The following SLC25A13 variants were observed in gnomAD, a reference collection of about 807,000 sequenced individuals.
SLC25A13 encodes the protein solute carrier family 25 member 13, also known as electrogenic aspartate/glutamate antiporter SLC25A13, mitochondrial.
A neutral mutation model predicts 85.5 loss-of-function variants in SLC25A13; 70 were observed. The ratio of observed to expected loss-of-function variants is 0.82; its 90% CI spans 0.68 to 1.00. The LOEUF (loss-of-function observed/expected upper bound fraction) is 1.00, where lower values mean the gene tolerates loss of function less well. Ranked by LOEUF, SLC25A13 falls within the 50% of genes least tolerant of loss-of-function variation. The probability of loss-of-function intolerance (pLI) is 0.00; values close to 1 mark genes in which losing one functional copy is unlikely to be tolerated. For missense variants in SLC25A13, 765 were observed against 819.8 expected, an observed-to-expected ratio of 0.93 and a Z score of 0.82; for synonymous variants, 259 against 288.7, an observed-to-expected ratio of 0.90 and a Z score of 1.04.
rs78579253 is a variant in SLC25A13 at position 96,124,458 on chromosome 7, T to C, written c.1592-2461A>G. 7.6e-3 allele frequency among the ~76,000 whole-genome samples: 1,159 copies of C among 152,288 alleles called. 22 individuals are homozygous for C. Among genetic ancestry groups the C allele is most frequent in the African/African-American group, 0.027 (1,105 of 41,556 alleles). ...TGAAGCTGAGAGATGACATTATACA[T>C]TGATATTACATAGAAATTGATGGCG... On this transcript the variant is annotated intron_variant, in intron 15 of 17. Coordinates refer to ENST00000265631, the MANE Select transcript of SLC25A13 (RefSeq NM_014251.3).
chr7:96,219,552 T>C (rs373577247), intron 4 of SLC25A13: 51 of 370,782 alleles, frequency 1.4e-4, no homozygotes, highest in Non-Finnish European at 2.6e-4. Flanking sequence ...TCCTCATCCA[T>C]GAAAGAAAGC....
At chr7:96,171,621 T>A in intron 11 of SLC25A13, 97 bp from the exon 12 acceptor site, 1 of 1,011,832 alleles carries the variant, frequency 9.9e-7, no homozygotes, top group Non-Finnish European at 1.5e-6. Context: ...AAAAACTGCT[T>A]AATCTCTGCT....
At chr7:96,270,525 A>G (rs1305448361) in intron 3 of SLC25A13, among the ~76,000 whole-genome samples, 4 of 151,898 alleles carry the variant, frequency 2.6e-5, no homozygotes, top group Admixed American at 6.6e-5. Flanking sequence ...ACTGCACCCC[A>G]GCCTGGGCAA....
At chr7:96,127,703 C>G (rs1420423706) in intron 15 of SLC25A13, among the ~76,000 whole-genome samples, 1 of 152,132 alleles carries the variant, frequency 6.6e-6, no homozygotes, top group African/African-American at 2.4e-5. Flanking sequence ...TATAAGTGAT[C>G]AATTTAAATA....
At chr7:96,165,163 A>G (rs755735767) in intron 13 of SLC25A13, among the ~76,000 whole-genome samples, 1 of 152,198 alleles carries the variant, frequency 6.6e-6, no homozygotes, top group Non-Finnish European at 1.5e-5. Context: ...ACCATGAAGG[A>G]GACAGAAAAT....
At chr7:96,291,049 T>C (rs576591956) in intron 2 of SLC25A13, among the ~76,000 whole-genome samples, 8 of 152,296 alleles carry the variant, frequency 5.3e-5, no homozygotes, top group African/African-American at 1.9e-4. Flanking sequence ...CTTCAGCAAA[T>C]GTAAAAGAAC....
intron 4 of SLC25A13, among the ~76,000 whole-genome samples, chr7:96,223,565 A>G (rs1377774697): frequency 1.3e-5 from 2 of 152,126 alleles, no homozygotes; most frequent in Non-Finnish European, 2.9e-5. Flanking sequence ...AGGCGGGTGG[A>G]TTGCCTCAGC....
rs1250676895 is a variant in SLC25A13, at chr7:96,121,284, A to G, written c.1935T>C (p.Ala645=). 1 of 1,614,170 alleles carries G rather than the reference A, an allele frequency of 6.2e-7. No individual in the cohort carries two copies. The highest frequency in any genetic ancestry group is 1.7e-5 in the Admixed American group (1 of 60,016). The change falls in exon 18 of 18, where the codon GCT becomes GCC. Residue 645 remains alanine (A), a synonymous_variant. Transcript: ENST00000265631. ...ATTTGTTTTCAATCCCTGCAAATGT[A>G]GCAACTGCCAGTTTGTAGCCCCCAA... ...DHVGGYKLAV[A]TFAGIENKFG...
chr7:96,309,149 CA>C (rs1799864841), intron 1 of SLC25A13, among the ~76,000 whole-genome samples: 3 of 152,306 alleles, frequency 2.0e-5, no homozygotes, highest in Admixed American at 1.3e-4. Context: ...GACAGGATAT[CA>C]CCCTCTTGTC....
At chr7:96,162,508 T>C (rs144911211) in intron 13 of SLC25A13, among the ~76,000 whole-genome samples, 1,995 of 152,274 alleles carry the variant, frequency 0.013, 35 homozygotes, top group African/African-American at 0.044. Flanking sequence ...GGCTGCCATA[T>C]GTATGGCCTG....
chr7:96,256,119 A>C (rs1006119370), intron 3 of SLC25A13, among the ~76,000 whole-genome samples: 3 of 152,176 alleles, frequency 2.0e-5, no homozygotes, highest in African/African-American at 7.2e-5. Flanking sequence ...CACTGCAAAA[A>C]CAAACCAAAA....
chr7:96,185,460 A>T (rs1794597452), intron 9 of SLC25A13, among the ~76,000 whole-genome samples: 1 of 152,078 alleles, frequency 6.6e-6, no homozygotes, highest in South Asian at 2.1e-4. Context: ...TTAGACCAGC[A>T]TGGTGGCATG....
Position 96,193,474 on chromosome 7 carries a change from G to A in SLC25A13, c.469-291C>T, listed in dbSNP as rs570855885. Among the ~76,000 whole-genome samples the A allele has an allele frequency of 1.2e-4, 18 of 152,238 alleles. No individual in the cohort carries two copies. In the East Asian group the frequency reaches 1.3e-3, roughly 11 times the overall value. On this transcript the variant is annotated intron_variant, in intron 5 of 17. Coordinates refer to ENST00000265631, the MANE Select transcript of SLC25A13 (RefSeq NM_014251.3). ...CATGAACACAAAGAAAATGAAAACC[G>A]GAATGAAGTGTTGTAGGTTCAAAGA...
intron 3 of SLC25A13, among the ~76,000 whole-genome samples, chr7:96,254,410 T>C (rs141027577): frequency 6.6e-6 from 1 of 152,360 alleles, no homozygotes; most frequent in East Asian, 1.9e-4. Flanking sequence ...AATTACACCA[T>C]TGGCTTTCCC....
At position 96,167,864 on chromosome 7, in the gene SLC25A13, C is replaced by T. The variant is rs1793819146; in HGVS notation, c.1311+2181G>A. Among the ~76,000 whole-genome samples the T allele has an allele frequency of 2.0e-5, 3 of 152,136 alleles. No individual in the cohort carries two copies. The South Asian group carries it at 6.2e-4, about 32-fold the overall frequency. On this transcript the variant is annotated intron_variant, in intron 13 of 17. Transcript: ENST00000265631. ...CCTGTAATCCCAGCATTTTGGGAGGCCAAGGCAGGCGGATCACGAGGTCAG... is the reference window on the plus strand; with the variant it reads ...CCTGTAATCCCAGCATTTTGGGAGGTCAAGGCAGGCGGATCACGAGGTCAG...
At chr7:96,219,618 AG>A (rs754992419) in intron 4 of SLC25A13, 1 of 518,328 alleles carries the variant, frequency 1.9e-6, no homozygotes, top group Non-Finnish European at 4.0e-6. Context: ...TCCCTTGGAG[AG>A]CTTGTTTAAA....
chr7:96,162,047 C>T lies in SLC25A13; in HGVS notation c.1311+7998G>A, dbSNP rs572300710. On this transcript the variant is annotated intron_variant, in intron 13 of 17. Transcript: ENST00000265631. Reference sequence around the variant, plus strand: ...AACTCAACCTAATGATTAAGCCTCACATCATCTTATATTTATAAGTAAGAT... The same window carrying T: ...AACTCAACCTAATGATTAAGCCTCATATCATCTTATATTTATAAGTAAGAT... Among the ~76,000 whole-genome samples the T allele has an allele frequency of 1.5e-3, 225 of 152,318 alleles. 2 individuals carry two copies. Among genetic ancestry groups the T allele is most frequent in the Non-Finnish European group, 2.7e-3 (182 of 68,036 alleles).
At chr7:96,146,169 G>A (rs1188852981) in intron 14 of SLC25A13, among the ~76,000 whole-genome samples, 1 of 152,130 alleles carries the variant, frequency 6.6e-6, no homozygotes, top group Non-Finnish European at 1.5e-5. Flanking sequence ...TACATATATA[G>A]AGAAAACATG....
At chr7:96,316,332 C>A (rs1480149549) in intron 1 of SLC25A13, among the ~76,000 whole-genome samples, 2 of 152,066 alleles carry the variant, frequency 1.3e-5, no homozygotes, top group Non-Finnish European at 2.9e-5. Context: ...CAGGGATTTG[C>A]GATCTGGTTG....
Sources: gnomAD v4.1 joint callset for allele counts (sites outside exome capture counted in the v4.1 genomes callset) on GRCh38, gnomAD v4.1.1 for gene constraint, MANE v1.5 for transcripts, NCBI Gene and HGNC (gene_info 2026-07-23, HGNC 2026-07-21) for gene names.